The following KCNH8 variants were observed in gnomAD, a reference collection of about 807,000 sequenced individuals.
The protein encoded by KCNH8 is voltage-gated delayed rectifier potassium channel KCNH8.
In KCNH8, 70 loss-of-function variants were observed where a neutral mutation model predicts 103.6. The ratio of observed to expected loss-of-function variants is 0.68; its 90% CI spans 0.56 to 0.82. The LOEUF (loss-of-function observed/expected upper bound fraction) is 0.82, where lower values mean the gene tolerates loss of function less well. Ranked by LOEUF, KCNH8 falls within the 40% of genes least tolerant of loss-of-function variation. KCNH8 has a pLI of 0.00. For synonymous variants in KCNH8, 498 were observed against 489.4 expected (o/e 1.02, Z -0.23); for missense variants, 1,217 against 1,329.9 (o/e 0.92, Z 1.32).
In KCNH8 at chr3:19,517,978, G is replaced by A. The variant is rs369655361; in HGVS notation, c.2543-20G>A. On this transcript the variant is annotated intron_variant, in intron 14 of 15. Transcript: ENST00000328405. ...GGTTTATTCCTAAAGGACTCATTCT[G>A]TATGTGTGTCACTTTTCAGATCCAG... The A allele has an allele frequency of 4.4e-6, 7 of 1,601,630 alleles. No individual in the cohort carries two copies. Among genetic ancestry groups the A allele is most frequent in the South Asian group, 1.1e-5 (1 of 90,740 alleles).
intron 1 of KCNH8, among the ~76,000 whole-genome samples, chr3:19,169,293 CTTT>C (rs2063316342): frequency 7.2e-6 from 1 of 138,026 alleles, no homozygotes; most frequent in African/African-American, 2.7e-5. Flanking sequence ...GAGTCTCGCT[CTTT>C]CGCCCAGGCT....
At chr3:19,158,188 G>A (rs1265631840) in intron 1 of KCNH8, among the ~76,000 whole-genome samples, 5 of 151,152 alleles carry the variant, frequency 3.3e-5, no homozygotes, top group African/African-American at 9.7e-5. Flanking sequence ...CTTAAGAATT[G>A]GACAAATTTC....
intron 5 of KCNH8, among the ~76,000 whole-genome samples, chr3:19,375,677 G>A (rs1442611759): frequency 3.3e-5 from 5 of 152,196 alleles, no homozygotes; most frequent in Non-Finnish European, 5.9e-5. Context: ...AGGAGGAGAG[G>A]CACTCTGGTT....
chr3:19,293,742 C>G (rs1411148464), intron 3 of KCNH8, among the ~76,000 whole-genome samples: 1 of 152,174 alleles, frequency 6.6e-6, no homozygotes, highest in Non-Finnish European at 1.5e-5. Flanking sequence ...TTCTGTTCCA[C>G]TAAAATGTAT....
At chr3:19,170,761 CACACATATATAT>C (rs1371810734) in intron 1 of KCNH8, among the ~76,000 whole-genome samples, 43 of 139,318 alleles carry the variant, frequency 3.1e-4, no homozygotes, top group African/African-American at 1.1e-3. Context: ...CATATATATA[CACACATATATAT>C]ACACACACAC....
Position 19,450,322 on chromosome 3 carries a change from A to C in KCNH8, c.1575+17A>C, listed in dbSNP as rs377359645. On this transcript the variant is annotated intron_variant, in intron 9 of 15. Coordinates refer to ENST00000328405, the MANE Select transcript of KCNH8 (RefSeq NM_144633.3). ...TCAAATGAGGTAATGTTCATTTCTC[A>C]TGTTGTTTTCAGGCAGAAAGCACAT... The C allele has an allele frequency of 6.3e-7, 1 of 1,595,668 alleles. No homozygotes were observed. The highest frequency in any genetic ancestry group is 1.1e-5 in the South Asian group (1 of 90,696).
chr3:19,369,265 T>G (rs868469359), intron 5 of KCNH8, among the ~76,000 whole-genome samples: 28 of 151,930 alleles, frequency 1.8e-4, no homozygotes, highest in Admixed American at 3.9e-4. Context: ...TTGTTAGTCT[T>G]TATCTGACTA....
chr3:19,223,998 A>G (rs1180822718), intron 1 of KCNH8, among the ~76,000 whole-genome samples: 1 of 152,206 alleles, frequency 6.6e-6, no homozygotes, highest in Admixed American at 6.5e-5. Flanking sequence ...GAATAAATAC[A>G]GACAGATTAA....
intron 1 of KCNH8, among the ~76,000 whole-genome samples, chr3:19,212,482 T>G (rs1215023347): frequency 6.6e-6 from 1 of 152,212 alleles, no homozygotes; most frequent in Non-Finnish European, 1.5e-5. Context: ...GGGTAGTAAT[T>G]TATTCTTATC....
At chr3:19,527,590 G>A (rs187277987) in intron 15 of KCNH8, among the ~76,000 whole-genome samples, 2 of 152,128 alleles carry the variant, frequency 1.3e-5, no homozygotes, top group Admixed American at 6.6e-5. Context: ...CAGATACTCC[G>A]GAAATGTAGG....
intron 4 of KCNH8, among the ~76,000 whole-genome samples, chr3:19,343,756 A>G (rs1356793084): frequency 2.0e-5 from 3 of 152,108 alleles, no homozygotes; most frequent in African/African-American, 4.8e-5. Flanking sequence ...TTGATAAAAC[A>G]GGACCATTCA....
intron 1 of KCNH8, among the ~76,000 whole-genome samples, chr3:19,204,833 A>G (rs1169520540): frequency 1.3e-5 from 2 of 152,072 alleles, no homozygotes; most frequent in Admixed American, 6.6e-5. Context: ...AATGAAATCA[A>G]GATGCTTTTA....
In KCNH8 at chr3:19,480,211, G is replaced by A. The variant is rs910848105; in HGVS notation, c.2040+23229G>A. 5.9e-5 allele frequency among the ~76,000 whole-genome samples: 9 copies of A among 152,278 alleles called. No individual in the cohort carries two copies. In the South Asian group the frequency reaches 6.2e-4, roughly 11 times the overall value. On this transcript the variant is annotated intron_variant, in intron 11 of 15. Coordinates refer to ENST00000328405, the MANE Select transcript of KCNH8 (RefSeq NM_144633.3). ...CATAGGTCCAGGCTGTGGGTTCTGCGATGTTTGCTTCTTTCCTGCTTCGCA... is the reference window on the plus strand; with the variant it reads ...CATAGGTCCAGGCTGTGGGTTCTGCAATGTTTGCTTCTTTCCTGCTTCGCA...
chr3:19,495,727 TA>T (rs1236177628), intron 11 of KCNH8, among the ~76,000 whole-genome samples: 326 of 151,828 alleles, frequency 2.1e-3, no homozygotes, highest in African/African-American at 7.4e-3. Flanking sequence ...TTTTTTTTTT[TA>T]AATTGCATGA....
At chr3:19,216,730 T>C (rs2063821765) in intron 1 of KCNH8, among the ~76,000 whole-genome samples, 1 of 152,262 alleles carries the variant, frequency 6.6e-6, no homozygotes, top group Non-Finnish European at 1.5e-5. Flanking sequence ...CACTCATTGA[T>C]ACATCAGGAA....
intron 5 of KCNH8, among the ~76,000 whole-genome samples, chr3:19,372,873 G>A (rs1378398947): frequency 6.6e-6 from 1 of 152,012 alleles, no homozygotes; most frequent in Non-Finnish European, 1.5e-5. Context: ...AGAGAACCAT[G>A]TGGTTTTTGT....
At chr3:19,353,576 A>C (rs2065835732) in intron 5 of KCNH8, among the ~76,000 whole-genome samples, 1 of 152,206 alleles carries the variant, frequency 6.6e-6, no homozygotes, top group African/African-American at 2.4e-5. Flanking sequence ...AGGCTTGTTC[A>C]ACATATGCAA....
At chr3:19,224,395 T>C (rs189042465) in intron 1 of KCNH8, among the ~76,000 whole-genome samples, 94 of 152,190 alleles carry the variant, frequency 6.2e-4, no homozygotes, top group Admixed American at 6.1e-3. Context: ...ACCTAAACCA[T>C]ACTTGTTTTG....
intron 1 of KCNH8, among the ~76,000 whole-genome samples, chr3:19,243,945 A>G (rs1462259266): frequency 6.6e-6 from 1 of 152,190 alleles, no homozygotes; most frequent in Non-Finnish European, 1.5e-5. Context: ...TTCATTTGCT[A>G]GATTCCACTT....
Sources: gnomAD v4.1 joint callset for allele counts (sites outside exome capture counted in the v4.1 genomes callset) on GRCh38, gnomAD v4.1.1 for gene constraint, MANE v1.5 for transcripts, NCBI Gene and HGNC (gene_info 2026-07-23, HGNC 2026-07-21) for gene names.